ADAM10: variants seen among roughly 807,000 people sequenced by gnomAD.
ADAM10 encodes disintegrin and metalloproteinase domain-containing protein 10.
ADAM10 carries 17 observed loss-of-function variants against 90.1 expected under a neutral mutation model. The observed-to-expected ratio is 0.19, with a 90% CI of 0.13 to 0.28. The LOEUF (loss-of-function observed/expected upper bound fraction) is 0.28. ADAM10 is among the 10% of genes least tolerant of loss of function. The pLI is 1.00. For missense variants in ADAM10, 610 were observed against 914.3 expected, an observed-to-expected ratio of 0.67 and a Z score of 4.29; for synonymous variants, 310 against 298.6, an observed-to-expected ratio of 1.04 and a Z score of -0.40.
chr15:58,644,429 A>C (rs938009005), intron 6 of ADAM10, among the ~76,000 whole-genome samples: 3 of 152,014 alleles, frequency 2.0e-5, no homozygotes, highest in Non-Finnish European at 2.9e-5. Context: ...AGGTTTCACT[A>C]TCTTGGCCAG....
At chr15:58,642,773 CTT>C (rs1255685297) in intron 7 of ADAM10, among the ~76,000 whole-genome samples, 1 of 152,176 alleles carries the variant, frequency 6.6e-6, no homozygotes, top group Admixed American at 6.5e-5. Flanking sequence ...ACTTATACCT[CTT>C]ATCACTGTTA....
rs550783108 is a variant in ADAM10 at position 58,748,920 on chromosome 15, G to C, written c.55+560C>G. The C allele has an allele frequency of 2.3e-3, 915 of 398,724 alleles. 6 individuals carry two copies. Among genetic ancestry groups the C allele is most frequent in the Non-Finnish European group, 3.4e-3 (758 of 226,226 alleles). The allele number at this position is 398,724 out of a possible 1,614,324, so 24.7% of individuals were successfully genotyped here. On this transcript the variant is annotated intron_variant, in intron 1 of 15. Coordinates refer to ENST00000260408, the MANE Select transcript of ADAM10 (RefSeq NM_001110.4). ...CTGCAGAATGGGGTCGGTCAGGACC[G>C]GCGCGCCGGGTAAAGAACAATACAC...
At position 58,691,989 on chromosome 15, in the gene ADAM10, A is replaced by T. The variant is rs184639313; in HGVS notation, c.207-9675T>A. 7.9e-4 allele frequency: 355 copies of T among 450,364 alleles called. 1 individual carries two copies. The highest frequency in any genetic ancestry group is 1.4e-3 in the Non-Finnish European group (307 of 223,118). 27.9% of individuals were successfully genotyped at this position (450,364 alleles called of 1,614,324 possible). ...CCATGCCCAGCCGGCATTTCTTAAC[A>T]ATGTTTTTGCAAATGACTTCCAAGA... On this transcript the variant is annotated intron_variant, in intron 2 of 15. Coordinates refer to ENST00000260408, the MANE Select transcript of ADAM10 (RefSeq NM_001110.4).
chr15:58,629,416 C>A (rs1896037335), intron 9 of ADAM10: 2 of 152,138 alleles, frequency 1.3e-5, no homozygotes, highest in Non-Finnish European at 2.9e-5. Flanking sequence ...GAAGGGGAAA[C>A]AGGTTGTAAG....
intron 5 of ADAM10, among the ~76,000 whole-genome samples, chr15:58,655,742 CTTTTTTTTTTTTT>C (rs71116585): frequency 2.5e-5 from 1 of 39,662 alleles, no homozygotes; most frequent in Non-Finnish European, 4.3e-5. Context: ...TATATATATT[CTTTTTTTTTTTTT>C]TTTTTTTTTG....
At chr15:58,692,648 G>A (rs1169175094) in intron 2 of ADAM10, 1 of 559,786 alleles carries the variant, frequency 1.8e-6, no homozygotes, top group Non-Finnish European at 3.6e-6. Flanking sequence ...TCTTCTTTAA[G>A]GTGAAGGATC....
intron 12 of ADAM10, 131 bp from the exon 13 acceptor site, chr15:58,611,238 G>C (rs1475236224): frequency 2.8e-6 from 2 of 717,412 alleles, no homozygotes; most frequent in Non-Finnish European, 4.9e-6. Flanking sequence ...AAAACAAACA[G>C]AGATGAGTAT....
Position 58,591,165 on chromosome 15 carries a change from G to A in ADAM10, c.*6382C>T, listed in dbSNP as rs577602251. 4.6e-5 allele frequency: 7 copies of A among 152,276 alleles called. No individual in the cohort carries two copies. The highest frequency in any genetic ancestry group is 1.2e-4 in the African/African-American group (5 of 41,570). 9.4% of individuals were successfully genotyped at this position (152,276 alleles called of 1,614,324 possible). A position where few individuals can be genotyped will look rare whatever the true frequency, so the allele number is the denominator to read the frequency against. ...ACAGTGAGAGAGAGAGAGAGAGACA[G>A]AGCAAACAGGGACCCAATGGCCTGC... is the stretch of plus-strand genomic sequence containing the variant. On this transcript the variant is annotated 3_prime_UTR_variant, in exon 16 of 16. Transcript: ENST00000260408.
intron 14 of ADAM10, among the ~76,000 whole-genome samples, chr15:58,607,530 A>G (rs574063136): frequency 6.6e-6 from 1 of 152,372 alleles, no homozygotes; most frequent in Admixed American, 6.5e-5. Context: ...TAATGGAACT[A>G]GTGTTCTGTT....
intron 10 of ADAM10, among the ~76,000 whole-genome samples, chr15:58,624,616 C>G (rs1457374215): frequency 6.6e-6 from 1 of 152,184 alleles, no homozygotes; most frequent in African/African-American, 2.4e-5. Context: ...ACTGCAACCT[C>G]CAACTCCTGG....
At chr15:58,673,813 C>A (rs1897252898) in intron 4 of ADAM10, among the ~76,000 whole-genome samples, 3 of 151,868 alleles carry the variant, frequency 2.0e-5, no homozygotes, top group African/African-American at 7.3e-5. Context: ...CGGCTCACTG[C>A]AAGCTCCGAC....
chr15:58,679,237 A>T lies in ADAM10; in HGVS notation c.371T>A (p.Phe124Tyr). The T allele has an allele frequency of 6.2e-7, 1 of 1,614,040 alleles. No homozygotes were observed. The highest frequency in any genetic ancestry group is 1.3e-5 in the African/African-American group (1 of 75,030). ...FSHGSVIDGR[F>Y]EGFIQTRGGT... ...ACCACGAGTCTGGATGAATCCTTCAAATCTTCCATCAATAACAGACCCATG... is the reference window on the plus strand; with the variant it reads ...ACCACGAGTCTGGATGAATCCTTCATATCTTCCATCAATAACAGACCCATG... The change falls in exon 4 of 16, where the codon TTT becomes TAT. Residue 124 changes from phenylalanine to tyrosine, a missense_variant. Phe to Tyr is a conservative substitution (Grantham distance 22). Around this residue, in one of 4 missense-constraint regions of ADAM10, gnomAD observed 310 missense variants for 362.4 expected, o/e 0.86. Transcript: ENST00000260408.
chr15:58,732,806 TTA>T (rs1229112094), intron 1 of ADAM10: 1 of 154,660 alleles, frequency 6.5e-6, no homozygotes, highest in African/African-American at 2.4e-5. Flanking sequence ...GAGAAAGGCC[TTA>T]TGAGTGCAGA....
chr15:58,627,650 T>C (rs768969256), intron 10 of ADAM10, 50 bp downstream of exon 10: 2 of 1,535,194 alleles, frequency 1.3e-6, no homozygotes, highest in Admixed American at 1.7e-5. Context: ...TTTCAAGTTG[T>C]CTGAATGTTT....
chr15:58,690,828 C>G (rs1897758626), intron 2 of ADAM10, among the ~76,000 whole-genome samples: 3 of 152,220 alleles, frequency 2.0e-5, no homozygotes, highest in Non-Finnish European at 4.4e-5. Flanking sequence ...TCATCTTCAT[C>G]AATAGCTAAC....
chr15:58,669,642 T>C (rs1897151232), intron 4 of ADAM10, among the ~76,000 whole-genome samples: 1 of 152,130 alleles, frequency 6.6e-6, no homozygotes, highest in African/African-American at 2.4e-5. Flanking sequence ...CCTTGCCTCT[T>C]CAAAATTTAT....
Position 58,719,725 on chromosome 15 carries a change from A to T in ADAM10, c.56-1998T>A, listed in dbSNP as rs574736486. Among the ~76,000 whole-genome samples, 15 of 148,752 alleles carry T rather than the reference A, an allele frequency of 1.0e-4. No homozygotes were observed. In the East Asian group the frequency reaches 2.5e-3, roughly 25 times the overall value. ...TACCTTAAGCATTTTTTACTAGAAT[A>T]AAAAAAAATGATCTGGGTTTGAATA... On this transcript the variant is annotated intron_variant, in intron 1 of 15. Coordinates refer to ENST00000260408, the MANE Select transcript of ADAM10 (RefSeq NM_001110.4).
chr15:58,743,899 T>A (rs537198508), intron 1 of ADAM10, among the ~76,000 whole-genome samples: 1 of 152,330 alleles, frequency 6.6e-6, no homozygotes, highest in African/African-American at 2.4e-5. Flanking sequence ...TAAGCCACTG[T>A]GTCTGGCCAA....
At chr15:58,655,426 A>G (rs12916010) in intron 5 of ADAM10, 43,171 of 151,916 alleles carry the variant, frequency 0.28, 8,743 homozygotes, top group African/African-American at 0.57. Flanking sequence ...TCTGTGGGGG[A>G]AGATGCCACA....
Sources: gnomAD v4.1 joint callset for allele counts (sites outside exome capture counted in the v4.1 genomes callset) on GRCh38, gnomAD v4.1.1 for gene constraint, gnomAD v4.1.1 regional missense constraint, MANE v1.5 for transcripts, NCBI Gene and HGNC (gene_info 2026-07-23, HGNC 2026-07-21) for gene names.